SOX5: variants seen among roughly 807,000 people sequenced by gnomAD.
SOX5 encodes SRY-box transcription factor 5, also known as transcription factor SOX-5.
In SOX5, 9 loss-of-function variants were observed where a neutral mutation model predicts 92.0. The observed-to-expected ratio is 0.10, with a 90% CI of 0.06 to 0.17. The LOEUF (loss-of-function observed/expected upper bound fraction) is 0.17. Ranked by LOEUF, SOX5 falls within the 10% of genes least tolerant of loss-of-function variation. The pLI, the probability that SOX5 is intolerant of heterozygous loss-of-function variation, is 1.00. For missense variants in SOX5, 642 were observed against 944.5 expected (o/e 0.68, Z 4.20); for synonymous variants, 344 against 336.3 (o/e 1.02, Z -0.25).
rs537953750 is a variant in SOX5, at chr12:23,831,038, T to C, written c.481+14945A>G. On this transcript the variant is annotated intron_variant, in intron 3 of 14. Coordinates refer to ENST00000451604, the MANE Select transcript of SOX5 (RefSeq NM_006940.6). ...AGCACAGATGAAAATATACTGCTAA[T>C]AATACCTTCTTTAGCACCCATAAAA... 3.3e-5 allele frequency among the ~76,000 whole-genome samples: 5 copies of C among 152,234 alleles called. No individual in the cohort carries two copies. The South Asian group carries it at 1.0e-3, about 32-fold the overall frequency.
intron 4 of SOX5, among the ~76,000 whole-genome samples, chr12:24,175,888 G>C (rs1395586766): frequency 6.6e-6 from 1 of 151,896 alleles, no homozygotes; most frequent in South Asian, 2.1e-4. Context: ...TGTATCTAGG[G>C]GCCTCTCTTA....
intron 3 of SOX5, among the ~76,000 whole-genome samples, chr12:23,775,882 G>A (rs556941547): frequency 2.0e-5 from 3 of 152,094 alleles, no homozygotes; most frequent in South Asian, 2.1e-4. Flanking sequence ...ACCATCTAAC[G>A]CCACGGTCTC....
Position 24,332,513 on chromosome 12 carries a change from T to C in SOX5, c.-174+36050A>G, listed in dbSNP as rs375864073. On this transcript the variant is annotated intron_variant, in intron 2 of 4. Transcript: ENST00000446891. ...TGAAAATAAGCAAGAAATAAAAAGATATGGAGTTTAGGAATCAAGAGACCT... is the reference window on the plus strand; with the variant it reads ...TGAAAATAAGCAAGAAATAAAAAGACATGGAGTTTAGGAATCAAGAGACCT... 2.6e-5 allele frequency among the ~76,000 whole-genome samples: 4 copies of C among 151,942 alleles called. No homozygotes were observed. In the East Asian group the frequency reaches 7.7e-4, roughly 29 times the overall value.
intron 4 of SOX5, among the ~76,000 whole-genome samples, chr12:24,086,227 G>A (rs1943981388): frequency 6.6e-6 from 1 of 151,644 alleles, no homozygotes; most frequent in African/African-American, 2.4e-5. Flanking sequence ...TATACTCTTA[G>A]TTAAGAAACC....
chr12:24,543,880 T>C (rs1037240049), intron 1 of SOX5, among the ~76,000 whole-genome samples: 2 of 152,218 alleles, frequency 1.3e-5, no homozygotes, highest in African/African-American at 4.8e-5. Flanking sequence ...GATAGCACAC[T>C]AGCATAACAA....
At chr12:23,701,599 C>T (rs1430385349) in intron 6 of SOX5, among the ~76,000 whole-genome samples, 1 of 152,056 alleles carries the variant, frequency 6.6e-6, no homozygotes, top group Non-Finnish European at 1.5e-5. Context: ...ATTCCCTCAA[C>T]ATTTGCTATC....
chr12:24,189,237 T>C (rs1956295076), intron 4 of SOX5, among the ~76,000 whole-genome samples: 1 of 152,188 alleles, frequency 6.6e-6, no homozygotes, highest in Non-Finnish European at 1.5e-5. Context: ...GGTGAAATAC[T>C]GGCCGTTCTC....
chr12:24,129,732 T>A (rs1949464967), intron 4 of SOX5, among the ~76,000 whole-genome samples: 1 of 152,190 alleles, frequency 6.6e-6, no homozygotes, highest in Non-Finnish European at 1.5e-5. Context: ...AACTAGTTTA[T>A]CTCACTACAA....
intron 6 of SOX5, among the ~76,000 whole-genome samples, chr12:23,675,300 T>TAAAA (rs1254367548): frequency 1.3e-5 from 2 of 152,222 alleles, no homozygotes; most frequent in African/African-American, 4.8e-5. Flanking sequence ...AATTTTTTTC[T>TAAAA]GGCCAAGAGA....
intron 2 of SOX5, among the ~76,000 whole-genome samples, chr12:24,355,047 T>G (rs1224884670): frequency 6.6e-6 from 1 of 152,274 alleles, no homozygotes; most frequent in African/African-American, 2.4e-5. Context: ...TCACAAGATT[T>G]TAGGGGTGGA....
At chr12:23,686,241 T>G (rs1429058465) in intron 6 of SOX5, among the ~76,000 whole-genome samples, 1 of 152,170 alleles carries the variant, frequency 6.6e-6, no homozygotes, top group Non-Finnish European at 1.5e-5. Flanking sequence ...GATATTAAAT[T>G]CAGAATGAAA....
rs186300680 is a variant in SOX5, at chr12:24,219,820, C to T, written c.-76-6403G>A. On this transcript the variant is annotated intron_variant, in intron 3 of 4. Transcript: ENST00000446891. ...ACCATTCATCTGTTCATTTACTCAA[C>T]AAAAAGTTCTCAAGCACTTATTATA... 4.6e-5 allele frequency among the ~76,000 whole-genome samples: 7 copies of T among 152,122 alleles called. No homozygotes were observed. In the East Asian group the frequency reaches 1.2e-3, roughly 25 times the overall value.
chr12:23,997,032 C>A (rs1201810197), intron 4 of SOX5, among the ~76,000 whole-genome samples: 1 of 152,128 alleles, frequency 6.6e-6, no homozygotes, highest in Non-Finnish European at 1.5e-5. Context: ...ATGAAGCACT[C>A]AGCATATTTT....
intron 6 of SOX5, among the ~76,000 whole-genome samples, chr12:23,701,646 C>G (rs1275843035): frequency 6.6e-6 from 1 of 151,966 alleles, no homozygotes; most frequent in Non-Finnish European, 1.5e-5. Flanking sequence ...TGTATAGTTA[C>G]TTAAAATGTA....
chr12:23,564,661 C>G (rs1946766801), intron 10 of SOX5, among the ~76,000 whole-genome samples: 2 of 152,084 alleles, frequency 1.3e-5, no homozygotes, highest in African/African-American at 4.8e-5. Flanking sequence ...CTATTAAATC[C>G]CATGATTTGT....
chr12:24,546,961 T>C (rs796323561), intron 1 of SOX5, among the ~76,000 whole-genome samples: 11 of 152,252 alleles, frequency 7.2e-5, no homozygotes, highest in African/African-American at 2.6e-4. Flanking sequence ...AAATAAGTTG[T>C]ATTTAAAAAG....
chr12:24,079,768 T>C (rs1485532572), intron 4 of SOX5, among the ~76,000 whole-genome samples: 1 of 151,926 alleles, frequency 6.6e-6, no homozygotes, highest in Non-Finnish European at 1.5e-5. Context: ...ATTTATATGT[T>C]ATAGCATGAT....
At chr12:23,861,375 T>C (rs1339167376) in intron 2 of SOX5, among the ~76,000 whole-genome samples, 1 of 152,212 alleles carries the variant, frequency 6.6e-6, no homozygotes, top group Non-Finnish European at 1.5e-5. Context: ...ATTAAGAAAT[T>C]ACTTTGTCAT....
chr12:23,640,512 G>C (rs1341074804), intron 8 of SOX5, among the ~76,000 whole-genome samples: 1 of 152,082 alleles, frequency 6.6e-6, no homozygotes, highest in African/African-American at 2.4e-5. Context: ...TTTTTACCTT[G>C]ATAAGGACCA....
Sources: allele counts gnomAD v4.1 joint callset (sites outside exome capture counted in the v4.1 genomes callset), GRCh38; gene constraint gnomAD v4.1.1; transcripts MANE v1.5; gene names NCBI Gene and HGNC (gene_info 2026-07-23, HGNC 2026-07-21).